CSMD1: variants seen among roughly 807,000 people sequenced by gnomAD.
CSMD1 encodes CUB and Sushi multiple domains 1, also known as CUB and sushi domain-containing protein 1.
Under a neutral mutation model 417.5 loss-of-function variants are expected in CSMD1, and 213 were observed. The observed-to-expected ratio is 0.51, with a 90% confidence interval of 0.46 to 0.57. CSMD1 has a LOEUF of 0.57. Ranked by LOEUF, CSMD1 falls within the 20% of genes least tolerant of loss-of-function variation. CSMD1 has a pLI of 0.00. For missense variants in CSMD1, 6,923 were observed against 4,529.7 expected, an observed-to-expected ratio of 1.53 and a Z score of -15.17; for synonymous variants, 2,862 against 1,736.8, an observed-to-expected ratio of 1.65 and a Z score of -16.11.
chr8:3,728,890 G>A (rs1307336327), intron 6 of CSMD1, among the ~76,000 whole-genome samples: 1 of 152,176 alleles, frequency 6.6e-6, no homozygotes, highest in South Asian at 2.1e-4. Flanking sequence ...TGGCATCCAC[G>A]TGGTTTTCAA....
intron 7 of CSMD1, among the ~76,000 whole-genome samples, chr8:3,653,832 A>T (rs1338643725): frequency 6.6e-6 from 1 of 152,102 alleles, no homozygotes; most frequent in African/African-American, 2.4e-5. Flanking sequence ...GATAGATTTA[A>T]ATATATATAT....
At chr8:4,050,593 C>T (rs1174885022) in intron 3 of CSMD1, among the ~76,000 whole-genome samples, 1 of 151,942 alleles carries the variant, frequency 6.6e-6, no homozygotes, top group Admixed American at 6.6e-5. Context: ...TCAAAATATA[C>T]AATTAAATTA....
chr8:3,799,677 CT>C (rs1304927346), intron 5 of CSMD1, among the ~76,000 whole-genome samples: 1 of 151,796 alleles, frequency 6.6e-6, no homozygotes, highest in Non-Finnish European at 1.5e-5. Flanking sequence ...GCAAATTTTG[CT>C]TCCTTATCTG....
rs1263224551 is a variant in CSMD1, at chr8:3,269,821, T to C, written c.4153+14323A>G. Reference sequence around the variant, plus strand: ...GTAGTCAGTTCATGTCCTTCTGTTTTACATGCTGTGCAGAGCTGGCAGGAC... The same window carrying C: ...GTAGTCAGTTCATGTCCTTCTGTTTCACATGCTGTGCAGAGCTGGCAGGAC... On this transcript the variant is annotated intron_variant, in intron 26 of 69. Coordinates refer to ENST00000635120, the MANE Select transcript of CSMD1 (RefSeq NM_033225.6). Among the ~76,000 whole-genome samples, 5 of 152,192 alleles carry C rather than the reference T, an allele frequency of 3.3e-5. No homozygotes were observed. In the East Asian group the frequency reaches 9.6e-4, roughly 29 times the overall value.
chr8:3,776,647 C>T (rs893152602), intron 5 of CSMD1, among the ~76,000 whole-genome samples: 1 of 152,108 alleles, frequency 6.6e-6, no homozygotes, highest in Non-Finnish European at 1.5e-5. Context: ...CCACCTCCTT[C>T]TTTCCCTCCT....
In CSMD1 at chr8:4,061,213, G is replaced by C. The variant is rs191849884; in HGVS notation, c.416-29114C>G. 6.6e-5 allele frequency among the ~76,000 whole-genome samples: 10 copies of C among 152,270 alleles called. No homozygotes were observed. The East Asian group carries it at 1.9e-3, about 29-fold the overall frequency. On this transcript the variant is annotated intron_variant, in intron 3 of 69. Transcript: ENST00000635120. ...TAACATGAGCCCTTTTAGGAACCCAGCCCTGCTGATTAGAGAGGAAAGAGG... is the reference window on the plus strand; with the variant it reads ...TAACATGAGCCCTTTTAGGAACCCACCCCTGCTGATTAGAGAGGAAAGAGG...
At chr8:3,248,649 C>T (rs1585789495) in intron 26 of CSMD1, among the ~76,000 whole-genome samples, 1 of 142,724 alleles carries the variant, frequency 7.0e-6, no homozygotes, top group South Asian at 2.3e-4. Flanking sequence ...ACTCTTTTTA[C>T]TCATGTCAGC....
chr8:4,113,028 G>A (rs1050623115), intron 3 of CSMD1, among the ~76,000 whole-genome samples: 4 of 152,114 alleles, frequency 2.6e-5, no homozygotes, highest in South Asian at 2.1e-4. Context: ...AATGATCCTT[G>A]ATGGTACCAT....
intron 1 of CSMD1, among the ~76,000 whole-genome samples, chr8:4,888,997 A>T (rs1017087573): frequency 6.6e-6 from 1 of 152,184 alleles, no homozygotes; most frequent in African/African-American, 2.4e-5. Flanking sequence ...AATGATGGAA[A>T]TAGAAAAATC....
chr8:3,797,972 T>C (rs954416208), intron 5 of CSMD1, among the ~76,000 whole-genome samples: 13 of 152,046 alleles, frequency 8.6e-5, no homozygotes, highest in East Asian at 3.8e-4. Flanking sequence ...TGGCATCTCA[T>C]TGCGGTTTCA....
At chr8:3,105,031 C>G (rs991954906) in intron 46 of CSMD1, among the ~76,000 whole-genome samples, 15 of 152,228 alleles carry the variant, frequency 9.9e-5, no homozygotes, top group African/African-American at 3.6e-4. Context: ...GAAGAGGATC[C>G]ATGCACAGGT....
chr8:4,732,978 C>T (rs1361251461), intron 1 of CSMD1, among the ~76,000 whole-genome samples: 1 of 151,664 alleles, frequency 6.6e-6, no homozygotes, highest in Non-Finnish European at 1.5e-5. Context: ...TACCTCAGCA[C>T]AAATCTCTAG....
At chr8:3,076,153 C>G (rs545580195) in intron 49 of CSMD1, among the ~76,000 whole-genome samples, 8 of 152,280 alleles carry the variant, frequency 5.3e-5, no homozygotes, top group African/African-American at 1.9e-4. Flanking sequence ...CACAGAACAA[C>G]AGAAATGGAT....
intron 56 of CSMD1, among the ~76,000 whole-genome samples, chr8:2,974,109 AG>A (rs1345710650): frequency 1.3e-5 from 2 of 151,990 alleles, no homozygotes; most frequent in African/African-American, 4.8e-5. Context: ...ATGATGGTAG[AG>A]GATGATGGTA....
At chr8:3,437,162 T>C (rs1814618099) in intron 12 of CSMD1, among the ~76,000 whole-genome samples, 1 of 152,168 alleles carries the variant, frequency 6.6e-6, no homozygotes, top group East Asian at 1.9e-4. Flanking sequence ...TGCAATTGTG[T>C]GAATTTATCA....
chr8:3,834,481 G>A (rs564266614), intron 5 of CSMD1, among the ~76,000 whole-genome samples: 63 of 152,274 alleles, frequency 4.1e-4, no homozygotes, highest in African/African-American at 1.4e-3. Context: ...TGTTGTTCCA[G>A]GTCAGTACCT....
chr8:4,774,531 C>T (rs1796749701), intron 1 of CSMD1, among the ~76,000 whole-genome samples: 1 of 152,136 alleles, frequency 6.6e-6, no homozygotes, highest in Non-Finnish European at 1.5e-5. Context: ...AGAATATCAT[C>T]ATGTCCAGGC....
intron 23 of CSMD1, among the ~76,000 whole-genome samples, chr8:3,331,737 T>G (rs956885806): frequency 2.0e-5 from 3 of 152,224 alleles, no homozygotes; most frequent in African/African-American, 7.2e-5. Context: ...TGGAATGAAC[T>G]TGGTATCTGA....
intron 2 of CSMD1, among the ~76,000 whole-genome samples, chr8:4,443,457 A>C (rs900075852): frequency 1.3e-5 from 2 of 152,240 alleles, no homozygotes; most frequent in Non-Finnish European, 2.9e-5. Context: ...TGTATGATGC[A>C]ATCAAGATTT....
Sources: allele counts gnomAD v4.1 joint callset (sites outside exome capture counted in the v4.1 genomes callset), GRCh38; gene constraint gnomAD v4.1.1; transcripts MANE v1.5; gene names NCBI Gene and HGNC (gene_info 2026-07-23, HGNC 2026-07-21).